ZMAT4: variants seen among roughly 807,000 people sequenced by gnomAD.
The protein encoded by ZMAT4 is zinc finger matrin-type 4.
Under a neutral mutation model 28.7 loss-of-function variants are expected in ZMAT4, and 17 were observed. The observed-to-expected ratio is 0.59, with a 90% CI of 0.41 to 0.89. ZMAT4 has a LOEUF of 0.89. Ranked by LOEUF, ZMAT4 falls within the 40% of genes least tolerant of loss-of-function variation. The pLI, the probability that ZMAT4 is intolerant of heterozygous loss-of-function variation, is 0.00. For missense variants in ZMAT4, 240 were observed against 283.8 expected, an observed-to-expected ratio of 0.85 and a Z score of 1.11; for synonymous variants, 117 against 109.2, an observed-to-expected ratio of 1.07 and a Z score of -0.44.
chr8:40,546,961 G>A (rs551875087), intron 6 of ZMAT4, among the ~76,000 whole-genome samples: 3 of 151,628 alleles, frequency 2.0e-5, no homozygotes, highest in Admixed American at 6.6e-5. Flanking sequence ...ACACACTCAC[G>A]CACACACACA....
At chr8:40,651,177 C>T (rs940433865) in intron 5 of ZMAT4, among the ~76,000 whole-genome samples, 2 of 151,942 alleles carry the variant, frequency 1.3e-5, no homozygotes, top group African/African-American at 4.8e-5. Context: ...TCTAGAAAAC[C>T]CCATTGTCTC....
At chr8:40,594,161 G>A (rs1220320471) in intron 5 of ZMAT4, among the ~76,000 whole-genome samples, 1 of 152,080 alleles carries the variant, frequency 6.6e-6, no homozygotes, top group East Asian at 1.9e-4. Flanking sequence ...ACACCTGACA[G>A]CCCCACTGCC....
intron 5 of ZMAT4, among the ~76,000 whole-genome samples, chr8:40,668,749 AC>A (rs2118882120): frequency 6.6e-6 from 1 of 152,132 alleles, no homozygotes; most frequent in African/African-American, 2.4e-5. Context: ...AAATATAAAC[AC>A]CAGCTGCCAG....
intron 3 of ZMAT4, among the ~76,000 whole-genome samples, chr8:40,760,433 C>T (rs1812875952): frequency 1.3e-5 from 2 of 152,206 alleles, no homozygotes; most frequent in South Asian, 4.1e-4. Flanking sequence ...CAGTCTCCAT[C>T]CCTCCCCAAA....
At chr8:40,744,720 A>AC (rs1812147076) in intron 3 of ZMAT4, among the ~76,000 whole-genome samples, 2 of 152,058 alleles carry the variant, frequency 1.3e-5, no homozygotes, top group Non-Finnish European at 2.9e-5. Context: ...AAAATGATAG[A>AC]CCCCCACCTT....
At chr8:40,827,217 C>T (rs931469582) in intron 1 of ZMAT4, among the ~76,000 whole-genome samples, 1 of 152,086 alleles carries the variant, frequency 6.6e-6, no homozygotes, top group Non-Finnish European at 1.5e-5. Flanking sequence ...TCAGTTTCCC[C>T]CATATAAAAA....
chr8:40,836,994 A>G lies in ZMAT4; in HGVS notation c.-4-11314T>C, dbSNP rs147059769. Reference sequence around the variant, plus strand: ...GACAGAAATATAGATACATACATAGACAAATAATGGCTGGATAGATACCAT... The same window carrying G: ...GACAGAAATATAGATACATACATAGGCAAATAATGGCTGGATAGATACCAT... On this transcript the variant is annotated intron_variant, in intron 1 of 6. Coordinates refer to ENST00000297737, the MANE Select transcript of ZMAT4 (RefSeq NM_024645.3). 3.5e-3 allele frequency among the ~76,000 whole-genome samples: 529 copies of G among 152,354 alleles called. 3 individuals carry two copies. Among genetic ancestry groups the G allele is most frequent in the African/African-American group, 0.012 (507 of 41,592 alleles).
Position 40,699,706 on chromosome 8 carries a change from T to G in ZMAT4, c.193-2305A>C, listed in dbSNP as rs1350165009. 2.6e-5 allele frequency among the ~76,000 whole-genome samples: 4 copies of G among 152,046 alleles called. No homozygotes were observed. The South Asian group carries it at 6.2e-4, about 24-fold the overall frequency. The stretch of plus-strand genomic sequence containing the variant: ...GGAAGATTATCAGGGTGAAAGTGAG[T>G]GTTTGAATTATACCATTTTTTTAAC... On this transcript the variant is annotated intron_variant, in intron 3 of 6. Coordinates refer to ENST00000297737, the MANE Select transcript of ZMAT4 (RefSeq NM_024645.3).
chr8:40,602,289 G>A (rs752454277), intron 5 of ZMAT4, among the ~76,000 whole-genome samples: 3 of 152,274 alleles, frequency 2.0e-5, no homozygotes, highest in East Asian at 1.9e-4. Flanking sequence ...GGCTGGTTCC[G>A]TATTTTTGCA....
At chr8:40,771,949 GC>G (rs1285276024) in intron 2 of ZMAT4, among the ~76,000 whole-genome samples, 2 of 152,120 alleles carry the variant, frequency 1.3e-5, no homozygotes, top group Non-Finnish European at 2.9e-5. Context: ...CAGGCAAACT[GC>G]CAAGTGAAAA....
At chr8:40,663,649 G>C (rs1195722862) in intron 5 of ZMAT4, among the ~76,000 whole-genome samples, 1 of 152,114 alleles carries the variant, frequency 6.6e-6, no homozygotes, top group Non-Finnish European at 1.5e-5. Flanking sequence ...CAAAATGTGG[G>C]CTCTGAAGAT....
At chr8:40,546,420 C>G (rs1409108227) in intron 6 of ZMAT4, among the ~76,000 whole-genome samples, 1 of 152,108 alleles carries the variant, frequency 6.6e-6, no homozygotes, top group Non-Finnish European at 1.5e-5. Context: ...GTGTTAGGAT[C>G]CATCATTTCT....
intron 2 of ZMAT4, among the ~76,000 whole-genome samples, chr8:40,798,368 C>T (rs1003101112): frequency 6.6e-5 from 10 of 152,290 alleles, no homozygotes; most frequent in African/African-American, 2.4e-4. Flanking sequence ...TTCCAAGGTC[C>T]CAATGCCAGG....
chr8:40,860,172 A>G (rs1169802736), intron 1 of ZMAT4, among the ~76,000 whole-genome samples: 2 of 152,156 alleles, frequency 1.3e-5, no homozygotes, highest in South Asian at 2.1e-4. Context: ...ACCTGCCACA[A>G]AAGGCTGTTT....
chr8:40,851,296 C>A (rs1324608957), intron 1 of ZMAT4, among the ~76,000 whole-genome samples: 3 of 152,078 alleles, frequency 2.0e-5, no homozygotes, highest in African/African-American at 7.2e-5. Context: ...CCATTGCTCT[C>A]CAGCCTGAGT....
At chr8:40,715,647 T>C (rs1332272899) in intron 3 of ZMAT4, among the ~76,000 whole-genome samples, 2 of 152,144 alleles carry the variant, frequency 1.3e-5, no homozygotes, top group East Asian at 3.9e-4. Context: ...TTTTATAGGG[T>C]TAACAGATGA....
intron 2 of ZMAT4, among the ~76,000 whole-genome samples, chr8:40,792,826 A>G (rs1232114066): frequency 6.6e-6 from 1 of 151,156 alleles, no homozygotes. Flanking sequence ...TTAAATGCAT[A>G]TTACTAAGTA....
chr8:40,568,503 G>A lies in ZMAT4; in HGVS notation c.674+12662C>T, dbSNP rs372876969. Among the ~76,000 whole-genome samples, 6 of 152,184 alleles carry A rather than the reference G, an allele frequency of 3.9e-5. No individual in the cohort carries two copies. The East Asian group carries it at 5.8e-4, about 15-fold the overall frequency. On this transcript the variant is annotated intron_variant, in intron 6 of 6. Coordinates refer to ENST00000297737, the MANE Select transcript of ZMAT4 (RefSeq NM_024645.3). ...AACCCCAACCTTGGGCAAGAAACTA[G>A]CCATGCAAGGAAAAATTCTGGGCAT... is the stretch of plus-strand genomic sequence containing the variant.
intron 5 of ZMAT4, among the ~76,000 whole-genome samples, chr8:40,634,994 A>T (rs1585790890): frequency 6.6e-6 from 1 of 152,174 alleles, no homozygotes; most frequent in South Asian, 2.1e-4. Flanking sequence ...GAATCCAATT[A>T]TATGTCTCCA....
Sources: allele counts gnomAD v4.1 joint callset (sites outside exome capture counted in the v4.1 genomes callset), GRCh38; gene constraint gnomAD v4.1.1; transcripts MANE v1.5; gene names NCBI Gene and HGNC (gene_info 2026-07-23, HGNC 2026-07-21).